The following SDK1 variants were observed in gnomAD, a reference collection of about 807,000 sequenced individuals.
SDK1 encodes the protein sidekick cell adhesion molecule 1.
In SDK1, 157 loss-of-function variants were observed where a neutral mutation model predicts 245.5. That is an observed-to-expected ratio of 0.64 (90% CI 0.56 to 0.73). The LOEUF (loss-of-function observed/expected upper bound fraction) is 0.73. Among genes scored for constraint, SDK1 ranks in the 30% least tolerant of loss-of-function variants. The pLI is 0.00. For synonymous variants in SDK1, 1,647 were observed against 1,278.5 expected, an observed-to-expected ratio of 1.29 and a Z score of -6.15; for missense variants, 3,583 against 3,002.3, an observed-to-expected ratio of 1.19 and a Z score of -4.52.
Position 3,892,633 on chromosome 7 carries a change from G to T in SDK1, c.848-58290G>T, listed in dbSNP as rs188672172. Among the ~76,000 whole-genome samples the T allele has an allele frequency of 1.3e-3, 202 of 152,308 alleles. 1 individual carries two copies. Among genetic ancestry groups the T allele is most frequent in the African/African-American group, 4.7e-3 (197 of 41,554 alleles). ...AGATTCCAAAAAGAAACCCAGGAGA[G>T]AGTCACCATGCCTCAAATCAAGAAC... On this transcript the variant is annotated intron_variant, in intron 5 of 44. Coordinates refer to ENST00000404826, the MANE Select transcript of SDK1 (RefSeq NM_152744.4).
intron 41 of SDK1, among the ~76,000 whole-genome samples, chr7:4,234,999 A>G (rs1481694053): frequency 2.0e-5 from 3 of 152,100 alleles, no homozygotes; most frequent in Non-Finnish European, 4.4e-5. Flanking sequence ...ACTTGTTGAA[A>G]TTGAACTTAA....
At chr7:3,969,915 C>T (rs1229642941) in intron 11 of SDK1, among the ~76,000 whole-genome samples, 1 of 152,212 alleles carries the variant, frequency 6.6e-6, no homozygotes, top group East Asian at 1.9e-4. Context: ...ACAACTAAGA[C>T]ACTTCTAATA....
In SDK1 at chr7:3,840,869, G is replaced by A. The variant is rs375830214; in HGVS notation, c.847+19286G>A. The stretch of plus-strand genomic sequence containing the variant: ...CGGGACCTCTGGGAGTGGGGTCCAG[G>A]AATCTGTGTTTTATCAAGCTCTCCC... On this transcript the variant is annotated intron_variant, in intron 5 of 44. Transcript: ENST00000404826. Among the ~76,000 whole-genome samples, 32 of 152,324 alleles carry A rather than the reference G, an allele frequency of 2.1e-4. No homozygotes were observed. The East Asian group carries it at 6.0e-3, about 29-fold the overall frequency.
At chr7:3,335,234 C>T (rs1343364474) in intron 1 of SDK1, among the ~76,000 whole-genome samples, 2 of 152,142 alleles carry the variant, frequency 1.3e-5, no homozygotes, top group African/African-American at 4.8e-5. Flanking sequence ...ACTTAGAATA[C>T]AATTTAAAAT....
chr7:3,762,634 C>G (rs143627451), intron 4 of SDK1, among the ~76,000 whole-genome samples: 28 of 152,238 alleles, frequency 1.8e-4, no homozygotes, highest in African/African-American at 6.7e-4. Context: ...CAGTGCAACA[C>G]CTGTGAATCA....
chr7:4,034,720 A>T (rs1475881567), intron 17 of SDK1, among the ~76,000 whole-genome samples: 1 of 152,186 alleles, frequency 6.6e-6, no homozygotes, highest in African/African-American at 2.4e-5. Flanking sequence ...TACAGGTACA[A>T]GCCTATTCGC....
intron 22 of SDK1, among the ~76,000 whole-genome samples, chr7:4,106,910 A>C (rs1354734413): frequency 1.3e-5 from 2 of 151,626 alleles, no homozygotes; most frequent in African/African-American, 2.4e-5. Flanking sequence ...GAACAAGATG[A>C]GGGAGCCCAC....
At chr7:3,872,639 T>C (rs1412129591) in intron 5 of SDK1, among the ~76,000 whole-genome samples, 1 of 151,690 alleles carries the variant, frequency 6.6e-6, no homozygotes, top group Non-Finnish European at 1.5e-5. Context: ...ACTCGAATAT[T>C]GTAGTTGTGC....
At chr7:3,850,653 T>C (rs1780395991) in intron 5 of SDK1, among the ~76,000 whole-genome samples, 1 of 152,166 alleles carries the variant, frequency 6.6e-6, no homozygotes, top group Non-Finnish European at 1.5e-5. Context: ...GTGGCACATA[T>C]ACACCATGGA....
At chr7:3,661,956 G>A (rs964712271) in intron 4 of SDK1, among the ~76,000 whole-genome samples, 6 of 151,484 alleles carry the variant, frequency 4.0e-5, no homozygotes, top group African/African-American at 9.7e-5. Flanking sequence ...TAGTAAGACC[G>A]TTATTACCAT....
At chr7:3,939,668 T>C (rs1338607220) in intron 5 of SDK1, among the ~76,000 whole-genome samples, 9 of 152,158 alleles carry the variant, frequency 5.9e-5, no homozygotes, top group Non-Finnish European at 5.9e-5. Context: ...CTTGGAGATA[T>C]ATACATATAT....
intron 1 of SDK1, among the ~76,000 whole-genome samples, chr7:3,570,897 T>C (rs1352816236): frequency 6.7e-6 from 1 of 150,050 alleles, no homozygotes; most frequent in African/African-American, 2.4e-5. Context: ...TTACTTTTCA[T>C]GCATGCTTCT....
intron 2 of SDK1, among the ~76,000 whole-genome samples, chr7:3,623,008 C>T (rs941408999): frequency 6.6e-6 from 1 of 151,944 alleles, no homozygotes; most frequent in African/African-American, 2.4e-5. Context: ...CATATGTTAG[C>T]CTTCATGAGA....
chr7:3,421,543 T>C (rs1779536625), intron 1 of SDK1, among the ~76,000 whole-genome samples: 1 of 152,194 alleles, frequency 6.6e-6, no homozygotes, highest in Non-Finnish European at 1.5e-5. Flanking sequence ...ACATTAGTTT[T>C]GATATATAAG....
At chr7:3,460,137 T>A (rs1025336159) in intron 1 of SDK1, among the ~76,000 whole-genome samples, 1 of 152,236 alleles carries the variant, frequency 6.6e-6, no homozygotes, top group Admixed American at 6.5e-5. Context: ...CTGAAGTGTT[T>A]CAAGCCAAAT....
intron 1 of SDK1, among the ~76,000 whole-genome samples, chr7:3,392,305 G>A (rs776949384): frequency 1.5e-4 from 23 of 151,922 alleles, no homozygotes; most frequent in Non-Finnish European, 3.2e-4. Context: ...ATACACTTGA[G>A]GTATTTAATT....
chr7:3,911,597 C>A (rs145785305), intron 5 of SDK1, among the ~76,000 whole-genome samples: 1 of 152,312 alleles, frequency 6.6e-6, no homozygotes, highest in South Asian at 2.1e-4. Context: ...AATGCTATGA[C>A]CTTGGGTAGC....
chr7:3,833,776 T>C (rs1779968876), intron 5 of SDK1, among the ~76,000 whole-genome samples: 1 of 152,252 alleles, frequency 6.6e-6, no homozygotes, highest in Non-Finnish European at 1.5e-5. Flanking sequence ...CTTTTGTTTC[T>C]TTGTTCATTT....
intron 25 of SDK1, among the ~76,000 whole-genome samples, chr7:4,121,118 G>A (rs925734242): frequency 5.3e-5 from 8 of 151,628 alleles, no homozygotes; most frequent in African/African-American, 1.9e-4. Flanking sequence ...AGACAATCTT[G>A]TATCATCTTT....
Sources: gnomAD v4.1 joint callset for allele counts (sites outside exome capture counted in the v4.1 genomes callset) on GRCh38, gnomAD v4.1.1 for gene constraint, MANE v1.5 for transcripts, NCBI Gene and HGNC (gene_info 2026-07-23, HGNC 2026-07-21) for gene names.